Variants in NPHP3 observed in about 807,000 individuals in gnomAD.
NPHP3 encodes the protein nephrocystin-3.
Under a neutral mutation model 171.9 loss-of-function variants are expected in NPHP3, and 123 were observed. That is an observed-to-expected ratio of 0.72 (90% CI 0.62 to 0.83). NPHP3 has a LOEUF of 0.83. Among genes scored for constraint, NPHP3 ranks in the 40% least tolerant of loss-of-function variants. The pLI, the probability that NPHP3 is intolerant of heterozygous loss-of-function variation, is 0.00. For missense variants in NPHP3, 1,506 were observed against 1,591.9 expected (o/e 0.95, Z 0.92); for synonymous variants, 558 against 579.2 (o/e 0.96, Z 0.52).
rs1576685588 is a variant in NPHP3, at chr3:132,716,621, T to C, written c.823+136A>G. On this transcript the variant is annotated intron_variant, in intron 4 of 26. Coordinates refer to ENST00000337331, the MANE Select transcript of NPHP3 (RefSeq NM_153240.5). Reference sequence around the variant, plus strand: ...CCTTGTTAGTTACAGCCCCACTGTATGATGGTTTGTCAATGGAAAGCACTA... The same window carrying C: ...CCTTGTTAGTTACAGCCCCACTGTACGATGGTTTGTCAATGGAAAGCACTA... The C allele has an allele frequency of 1.1e-5, 10 of 930,390 alleles. No individual in the cohort carries two copies. In the East Asian group the frequency reaches 2.5e-4, roughly 24 times the overall value. 57.6% of individuals were successfully genotyped at this position (930,390 alleles called of 1,614,324 possible).
chr3:132,714,820 C>G (rs1940006530), intron 5 of NPHP3, among the ~76,000 whole-genome samples: 1 of 152,170 alleles, frequency 6.6e-6, no homozygotes, highest in Admixed American at 6.5e-5. Flanking sequence ...CGAGTTAAAA[C>G]CTTCTTTTTC....
intron 21 of NPHP3, 73 bp downstream of exon 21, chr3:132,688,577 C>A (rs1450361151): frequency 2.6e-6 from 4 of 1,523,202 alleles, no homozygotes; most frequent in Non-Finnish European, 1.8e-6. Flanking sequence ...TAAAACAAAG[C>A]TTACCCTATA....
intron 5 of NPHP3, 71 bp downstream of exon 5, chr3:132,715,014 G>C (rs957194401): frequency 1.6e-6 from 2 of 1,264,566 alleles, no homozygotes; most frequent in Non-Finnish European, 2.3e-6. Flanking sequence ...AGATACAGTA[G>C]TATCAGAAAC....
chr3:132,699,404 T>G lies in NPHP3; in HGVS notation c.1934A>C (p.Asn645Thr), dbSNP rs1939545454. 3 of 1,612,784 alleles carry G rather than the reference T, an allele frequency of 1.9e-6. No individual in the cohort carries two copies. The highest frequency in any genetic ancestry group is 2.5e-6 in the Non-Finnish European group (3 of 1,179,870). Residue 645 changes from asparagine (N) to threonine (T), a missense_variant, in exon 13 of 27, where the codon AAT (asparagine) becomes ACT (threonine). This residue lies in a region of NPHP3 where 930 missense variants were observed against 924.9 expected (regional missense o/e 1.01). Transcript: ENST00000337331. ...MKWLIDPLPV[N>T]VRVIVSVNVE... Reference sequence around the variant, plus strand: ...ATTCACAGAAACAATTACTCTTACATTCACTGGCAGTGGATCTATCAGCCA... The same window carrying G: ...ATTCACAGAAACAATTACTCTTACAGTCACTGGCAGTGGATCTATCAGCCA...
chr3:132,689,385 A>T, intron 19 of NPHP3, 122 bp from the exon 20 acceptor site: 1 of 1,016,460 alleles, frequency 9.8e-7, no homozygotes, highest in Non-Finnish European at 1.5e-6. Context: ...CTGTGTAATG[A>T]GGTAAGACTC....
intron 1 of NPHP3, 62 bp downstream of exon 1, chr3:132,721,901 A>T: frequency 6.3e-7 from 1 of 1,586,256 alleles, no homozygotes; most frequent in Non-Finnish European, 8.6e-7. Flanking sequence ...TGGTTTGGAG[A>T]GGGAGCAGGA....
Position 132,697,255 on chromosome 3 carries a change from C to A in NPHP3, c.2088+5G>T. The stretch of plus-strand genomic sequence containing the variant: ...AAAGATTGCATCAAAATGAAAAATA[C>A]ACACCTGCTCTTTACTCAATTTAAT... On this transcript the variant is annotated splice_donor_5th_base_variant and intron_variant, in intron 14 of 26. Transcript: ENST00000337331. 6.4e-7 allele frequency: 1 copy of A among 1,570,394 alleles called. No homozygotes were observed. The highest frequency in any genetic ancestry group is 8.8e-7 in the Non-Finnish European group (1 of 1,141,738).
intron 9 of NPHP3, 73 bp downstream of exon 9, chr3:132,704,125 G>C (rs1939685748): frequency 1.5e-5 from 21 of 1,384,414 alleles, no homozygotes; most frequent in Non-Finnish European, 1.8e-5. Context: ...ACTATATTTA[G>C]ATGAAAATAC....
Position 132,700,321 on chromosome 3 carries a change from TG to T in NPHP3, c.1743+12del. The T allele has an allele frequency of 1.3e-6, 2 of 1,533,938 alleles. No individual in the cohort carries two copies. The highest frequency in any genetic ancestry group is 1.8e-6 in the Non-Finnish European group (2 of 1,107,116). Reference sequence around the variant, plus strand: ...AATAAAATTCTGTAATTCCAAAAGATGGGATACTATACCTTTAGAGTTAGTC... The same window carrying T: ...AATAAAATTCTGTAATTCCAAAAGATGGATACTATACCTTTAGAGTTAGTC... On this transcript the variant is annotated intron_variant, in intron 11 of 26. Transcript: ENST00000337331.
At chr3:132,718,817 G>A (rs577148831) in intron 3 of NPHP3, among the ~76,000 whole-genome samples, 177 bp downstream of exon 3, 10 of 152,332 alleles carry the variant, frequency 6.6e-5, no homozygotes, top group African/African-American at 1.7e-4. Context: ...CATACACTTC[G>A]TGGAGAAGAG....
intron 13 of NPHP3, among the ~76,000 whole-genome samples, chr3:132,697,764 T>C (rs1939493811): frequency 6.6e-6 from 1 of 152,194 alleles, no homozygotes; most frequent in Admixed American, 6.5e-5. Context: ...ATTCTTGATA[T>C]GGTACTGAAA....
rs371732461 is a variant in NPHP3 at position 132,691,324 on chromosome 3, C to T, written c.2476-38G>A. The T allele has an allele frequency of 1.6e-4, 228 of 1,386,248 alleles. 1 individual carries two copies. The highest frequency in any genetic ancestry group is 6.4e-4 in the Admixed American group (38 of 59,686). The allele number at this position is 1,386,248 out of a possible 1,614,324, so 85.9% of individuals were successfully genotyped here. ...AGAAGAAATACTGAGTTCTATTTCACGTAAGTCACTGTACATCTAACAAGA... is the reference window on the plus strand; with the variant it reads ...AGAAGAAATACTGAGTTCTATTTCATGTAAGTCACTGTACATCTAACAAGA... On this transcript the variant is annotated intron_variant, in intron 17 of 26. Coordinates refer to ENST00000337331, the MANE Select transcript of NPHP3 (RefSeq NM_153240.5).
rs867269869 is a variant in NPHP3, at chr3:132,681,432, T to A, written c.*478A>T. The A allele has an allele frequency of 5.7e-6, 1 of 174,090 alleles. No individual in the cohort carries two copies. The highest frequency in any genetic ancestry group is 2.4e-5 in the African/African-American group (1 of 41,396). 10.8% of individuals were successfully genotyped at this position (174,090 alleles called of 1,614,324 possible). On this transcript the variant is annotated 3_prime_UTR_variant, in exon 27 of 27. Coordinates refer to ENST00000337331, the MANE Select transcript of NPHP3 (RefSeq NM_153240.5). ...GCATGCGCCACCAGGTCCAGCTAAT[T>A]TTTTTTTGTATTTTTAGTAGAGACA... is the stretch of plus-strand genomic sequence containing the variant.
In NPHP3 at chr3:132,705,735, T is replaced by C. The variant is rs1422460034; in HGVS notation, c.1350+5A>G. The C allele has an allele frequency of 2.3e-6, 3 of 1,285,340 alleles. No individual in the cohort carries two copies. Among genetic ancestry groups the C allele is most frequent in the South Asian group, 2.4e-5 (2 of 83,100 alleles). 79.6% of individuals were successfully genotyped at this position (1,285,340 alleles called of 1,614,324 possible). On this transcript the variant is annotated splice_donor_5th_base_variant and intron_variant, in intron 8 of 26. Transcript: ENST00000337331. ...GATGAAAACTTACAGAGAATGCATA[T>C]TTACCTGTTTAATAATCTTTTCTAC...
In NPHP3 at chr3:132,713,125, C is replaced by A; in HGVS notation, c.1118+1G>T. The A allele has an allele frequency of 7.1e-7, 1 of 1,404,688 alleles. No individual in the cohort carries two copies. The allele number at this position is 1,404,688 out of a possible 1,614,324, so 87.0% of individuals were successfully genotyped here. A position where few individuals can be genotyped will look rare whatever the true frequency, so the allele number is the denominator to read the frequency against. On this transcript the variant is annotated splice_donor_variant, in intron 6 of 26. Coordinates refer to ENST00000337331, the MANE Select transcript of NPHP3 (RefSeq NM_153240.5). LOFTEE classifies it high-confidence loss of function. Reference sequence around the variant, plus strand: ...ATAAATTACATTTTTTTTCAGCTTACCTTGGTAATGTTAAGTGAATAAATA... The same window carrying A: ...ATAAATTACATTTTTTTTCAGCTTAACTTGGTAATGTTAAGTGAATAAATA...
At chr3:132,708,769 C>G (rs1233865967) in intron 6 of NPHP3, among the ~76,000 whole-genome samples, 2 of 152,200 alleles carry the variant, frequency 1.3e-5, no homozygotes, top group African/African-American at 2.4e-5. Context: ...GACCCGCCTC[C>G]CTTCATGGCT....
chr3:132,686,351 A>C lies in NPHP3; in HGVS notation c.3238T>G (p.Leu1080Val). The change falls in exon 23 of 27, where the codon TTA becomes GTA. Residue 1080 changes from leucine (L) to valine (V), a missense_variant. Physicochemically the swap from Leu to Val is conservative, Grantham distance 32. This residue lies in a region of NPHP3 where 569 missense variants were observed against 648.1 expected (regional missense o/e 0.88). Coordinates refer to ENST00000337331, the MANE Select transcript of NPHP3 (RefSeq NM_153240.5). ...TCCTTACCTAATGTAAGCTCTTCTA[A>C]CTGTAAAGCCCGTCTACGTAAAAGG... is the stretch of plus-strand genomic sequence containing the variant. The part of the protein sequence containing the change: ...FALLRRRALQ[L>V]EELTLGKDTP... 6.2e-7 allele frequency: 1 copy of C among 1,614,114 alleles called. No individual in the cohort carries two copies. Among genetic ancestry groups the C allele is most frequent in the Non-Finnish European group, 8.5e-7 (1 of 1,179,980 alleles).
At chr3:132,686,499 T>G in intron 22 of NPHP3, 112 bp from the exon 23 acceptor site, 1 of 1,193,826 alleles carries the variant, frequency 8.4e-7, no homozygotes, top group Non-Finnish European at 1.2e-6. Context: ...TTAATCTAGA[T>G]AACTATTATT....
intron 7 of NPHP3, among the ~76,000 whole-genome samples, chr3:132,707,210 G>A (rs1939777735): frequency 6.6e-6 from 1 of 152,126 alleles, no homozygotes; most frequent in Non-Finnish European, 1.5e-5. Flanking sequence ...CCCATCATCA[G>A]CTTTTTGCTT....
Sources: gnomAD v4.1 joint callset for allele counts (sites outside exome capture counted in the v4.1 genomes callset) on GRCh38, gnomAD v4.1.1 for gene constraint, gnomAD v4.1.1 regional missense constraint, MANE v1.5 for transcripts, NCBI Gene and HGNC (gene_info 2026-07-23, HGNC 2026-07-21) for gene names.